The following DIP2C variants were observed in gnomAD, a reference collection of about 807,000 sequenced individuals.
The protein encoded by DIP2C is DIP2 acetate--CoA ligase C (putative).
A neutral mutation model predicts 192.4 loss-of-function variants in DIP2C; 33 were observed. The observed-to-expected ratio is 0.17, with a 90% CI of 0.13 to 0.23. DIP2C has a LOEUF of 0.23. Ranked by LOEUF, DIP2C falls within the 10% of genes least tolerant of loss-of-function variation. DIP2C has a pLI of 1.00. For missense variants in DIP2C, 1,537 were observed against 2,110.1 expected, an observed-to-expected ratio of 0.73 and a Z score of 5.32; for synonymous variants, 979 against 864.1, an observed-to-expected ratio of 1.13 and a Z score of -2.33.
intron 1 of DIP2C, among the ~76,000 whole-genome samples, chr10:685,902 A>G (rs2119110534): frequency 6.6e-6 from 1 of 152,282 alleles, no homozygotes; most frequent in Middle Eastern, 3.4e-3. Context: ...CGGAGGTTGC[A>G]GTGAGTTGAG....
At chr10:507,924 C>T (rs1845737402) in intron 1 of DIP2C, among the ~76,000 whole-genome samples, 1 of 152,178 alleles carries the variant, frequency 6.6e-6, no homozygotes, top group Admixed American at 6.5e-5. Context: ...GAAGACTTTT[C>T]CACAATCTTT....
At chr10:336,219 A>C (rs4360626) in intron 29 of DIP2C, among the ~76,000 whole-genome samples, 146,714 of 152,236 alleles carry the variant, frequency 0.96, 70,907 homozygotes, top group East Asian at 1. Context: ...AAAATTTAAA[A>C]ATCAGCATCC....
chr10:424,657 C>A (rs1214812298), intron 4 of DIP2C, among the ~76,000 whole-genome samples: 1 of 152,188 alleles, frequency 6.6e-6, no homozygotes, highest in Non-Finnish European at 1.5e-5. Flanking sequence ...AGCCACCGCT[C>A]CTGGCCCACT....
At chr10:575,049 A>G (rs1175572800) in intron 1 of DIP2C, among the ~76,000 whole-genome samples, 2 of 152,160 alleles carry the variant, frequency 1.3e-5, no homozygotes, top group African/African-American at 2.4e-5. Context: ...ACTGGTATCA[A>G]TCAGTCTGCT....
intron 1 of DIP2C, among the ~76,000 whole-genome samples, chr10:615,993 A>G (rs1003782696): frequency 6.6e-6 from 1 of 151,918 alleles, no homozygotes; most frequent in African/African-American, 2.4e-5. Context: ...AGACAAACTC[A>G]GTGCTGCATT....
At chr10:348,379 C>A (rs145817610) in intron 26 of DIP2C, among the ~76,000 whole-genome samples, 1 of 152,172 alleles carries the variant, frequency 6.6e-6, no homozygotes, top group African/African-American at 2.4e-5. Flanking sequence ...GTGGTGATGC[C>A]CTCTCTTGGG....
intron 1 of DIP2C, among the ~76,000 whole-genome samples, chr10:522,479 G>A (rs1045043622): frequency 6.6e-6 from 1 of 152,222 alleles, no homozygotes; most frequent in African/African-American, 2.4e-5. Context: ...AGTTCCATGG[G>A]AAACCGCCTT....
chr10:480,050 G>A (rs1374728625), intron 2 of DIP2C, among the ~76,000 whole-genome samples: 6 of 148,290 alleles, frequency 4.0e-5, no homozygotes, highest in African/African-American at 1.5e-4. Flanking sequence ...CCTGAGACCC[G>A]GTTCACGCTC....
chr10:404,383 C>G (rs1964658050), intron 9 of DIP2C, among the ~76,000 whole-genome samples: 1 of 151,910 alleles, frequency 6.6e-6, no homozygotes, highest in Non-Finnish European at 1.5e-5. Flanking sequence ...CAATTTTTTT[C>G]TATTTTTTGT....
intron 1 of DIP2C, among the ~76,000 whole-genome samples, chr10:601,146 A>G (rs1852047005): frequency 6.6e-6 from 1 of 152,232 alleles, no homozygotes. Flanking sequence ...TGTTTTGGCC[A>G]ATCGCCTGCT....
rs371195460 is a variant in DIP2C, at chr10:359,143, G to A, written c.2795-1206C>T. ...AGTGGCACAGAACAAGGCTTCGGAT[G>A]AGCCCATCACCATGACAACCGATGT... On this transcript the variant is annotated intron_variant, in intron 22 of 36. Coordinates refer to ENST00000280886, the MANE Select transcript of DIP2C (RefSeq NM_014974.3). Among the ~76,000 whole-genome samples the A allele has an allele frequency of 7.2e-4, 109 of 152,240 alleles. 1 individual carries two copies. The highest frequency in any genetic ancestry group is 2.4e-3 in the African/African-American group (100 of 41,540).
chr10:630,730 C>T (rs1854468324), intron 1 of DIP2C: 1 of 152,266 alleles, frequency 6.6e-6, no homozygotes, highest in Non-Finnish European at 1.5e-5. Flanking sequence ...GGAGTCTTGT[C>T]CTCAAGGAAC....
intron 1 of DIP2C, among the ~76,000 whole-genome samples, chr10:496,906 C>CG (rs1406386945): frequency 6.6e-6 from 1 of 152,206 alleles, no homozygotes; most frequent in Non-Finnish European, 1.5e-5. Context: ...GGGCAGATCA[C>CG]GAGGTCAGGA....
intron 29 of DIP2C, among the ~76,000 whole-genome samples, chr10:336,889 T>G (rs1589520679): frequency 1.1e-5 from 1 of 90,140 alleles, no homozygotes; most frequent in Admixed American, 1.4e-4. Context: ...TGTGGAGGCC[T>G]AGGCAGGTGT....
chr10:596,358 C>A (rs886765855), intron 1 of DIP2C, among the ~76,000 whole-genome samples: 1 of 151,450 alleles, frequency 6.6e-6, no homozygotes, highest in African/African-American at 2.4e-5. Context: ...GAAAATTAGC[C>A]GGGCGCAGGT....
chr10:436,215 C>A (rs1197008488), intron 4 of DIP2C, among the ~76,000 whole-genome samples: 1 of 152,238 alleles, frequency 6.6e-6, no homozygotes, highest in Non-Finnish European at 1.5e-5. Context: ...ACCACAGATT[C>A]TACCTCCGGT....
chr10:663,076 T>A, intron 1 of DIP2C: 1 of 610,140 alleles, frequency 1.6e-6, no homozygotes. Flanking sequence ...GACCCAGTGA[T>A]ACCACTCTCC....
Position 650,724 on chromosome 10 carries a change from C to A in DIP2C, c.85+38770G>T. Reference sequence around the variant, plus strand: ...TGGCTTCTGGCCAGAGTGCTCTGGGCCGACCCCCCCTCATGCTCACTTCCC... The same window carrying A: ...TGGCTTCTGGCCAGAGTGCTCTGGGACGACCCCCCCTCATGCTCACTTCCC... On this transcript the variant is annotated intron_variant, in intron 1 of 36. Transcript: ENST00000280886. 5 of 634,346 alleles carry A rather than the reference C, an allele frequency of 7.9e-6. No individual in the cohort carries two copies. The Admixed American group carries it at 1.3e-4, about 16-fold the overall frequency. The allele number at this position is 634,346 out of a possible 1,614,324, so 39.3% of individuals were successfully genotyped here.
intron 31 of DIP2C, among the ~76,000 whole-genome samples, chr10:310,370 A>C (rs1381398150): frequency 6.6e-6 from 1 of 152,204 alleles, no homozygotes; most frequent in Non-Finnish European, 1.5e-5. Flanking sequence ...GCACTGTGCC[A>C]AAAAAAGGAA....
Sources: gnomAD v4.1 joint callset for allele counts (sites outside exome capture counted in the v4.1 genomes callset) on GRCh38, gnomAD v4.1.1 for gene constraint, MANE v1.5 for transcripts, NCBI Gene and HGNC (gene_info 2026-07-23, HGNC 2026-07-21) for gene names.